The following DPP10 variants were observed in gnomAD, a reference collection of about 807,000 sequenced individuals.
The protein encoded by DPP10 is dipeptidyl peptidase like 10, also known as inactive dipeptidyl peptidase 10.
In DPP10, 33 loss-of-function variants were observed where a neutral mutation model predicts 120.9. The observed-to-expected ratio is 0.27, with a 90% confidence interval of 0.21 to 0.37. The LOEUF is 0.37. Ranked by LOEUF, DPP10 falls within the 10% of genes least tolerant of loss-of-function variation. DPP10 has a pLI of 1.00. For synonymous variants in DPP10, 337 were observed against 326.1 expected (o/e 1.03, Z -0.36); for missense variants, 816 against 942.8 (o/e 0.87, Z 1.76).
intron 1 of DPP10, among the ~76,000 whole-genome samples, chr2:115,005,880 A>C (rs577424289): frequency 1.4e-4 from 21 of 151,980 alleles, no homozygotes; most frequent in South Asian, 4.2e-4. Flanking sequence ...CACAAAGATA[A>C]TCCTCAAGAA....
rs149360615 is a variant in DPP10, at chr2:115,754,722, A to G, written c.1074+1425A>G. On this transcript the variant is annotated intron_variant, in intron 11 of 25. Transcript: ENST00000410059. ...CTATATATGTAGAAAAGTGGAAAAT[A>G]TAACCTACTCACCTTCCTCAAAAAT... Among the ~76,000 whole-genome samples the G allele has an allele frequency of 1.1e-3, 161 of 152,266 alleles. 1 individual carries two copies. The highest frequency in any genetic ancestry group is 2.8e-3 in the Admixed American group (43 of 15,280).
At chr2:114,779,208 T>C (rs1682045197) in intron 1 of DPP10, among the ~76,000 whole-genome samples, 1 of 152,124 alleles carries the variant, frequency 6.6e-6, no homozygotes. Context: ...CTCCTGGATG[T>C]GGATGTGGAC....
At chr2:114,669,591 T>C (rs938915794) in intron 1 of DPP10, among the ~76,000 whole-genome samples, 4 of 152,124 alleles carry the variant, frequency 2.6e-5, no homozygotes, top group Non-Finnish European at 5.9e-5. Context: ...ATGTAAATAA[T>C]TTTATAAAAT....
intron 1 of DPP10, among the ~76,000 whole-genome samples, chr2:114,756,792 TC>T (rs979700066): frequency 9.9e-5 from 15 of 152,138 alleles, no homozygotes; most frequent in Admixed American, 6.5e-4. Context: ...CTTTTTTTTT[TC>T]CTGTCTGAGT....
At chr2:114,536,627 G>A (rs983312804) in intron 1 of DPP10, among the ~76,000 whole-genome samples, 1 of 151,904 alleles carries the variant, frequency 6.6e-6, no homozygotes, top group African/African-American at 2.4e-5. Context: ...GGATGGTCTC[G>A]ATCTCCTGAC....
At chr2:114,597,572 AG>A (rs1432917450) in intron 1 of DPP10, among the ~76,000 whole-genome samples, 1 of 151,994 alleles carries the variant, frequency 6.6e-6, no homozygotes, top group Admixed American at 6.6e-5. Flanking sequence ...AAAATGGTAA[AG>A]ATCTTCCATC....
intron 1 of DPP10, among the ~76,000 whole-genome samples, chr2:114,728,550 T>C (rs911586828): frequency 1.3e-5 from 2 of 152,156 alleles, no homozygotes; most frequent in Non-Finnish European, 2.9e-5. Flanking sequence ...CTTGGACACA[T>C]AAATGACTCA....
At chr2:115,066,359 A>T (rs531044899) in intron 1 of DPP10, among the ~76,000 whole-genome samples, 2 of 144,108 alleles carry the variant, frequency 1.4e-5, no homozygotes, top group East Asian at 4.1e-4. Flanking sequence ...TATATTTCTT[A>T]TTTATACATC....
intron 1 of DPP10, among the ~76,000 whole-genome samples, chr2:114,813,987 C>CAT (rs57670221): frequency 4.1e-5 from 6 of 146,390 alleles, no homozygotes; most frequent in Non-Finnish European, 7.5e-5. Flanking sequence ...CACACACACA[C>CAT]CACGAGCTGG....
intron 1 of DPP10, among the ~76,000 whole-genome samples, chr2:114,765,700 G>A (rs1003161001): frequency 1.3e-5 from 2 of 151,958 alleles, no homozygotes; most frequent in African/African-American, 2.4e-5. Context: ...ATATAATATC[G>A]AACAATTTGG....
At chr2:114,683,852 C>T (rs1699193984) in intron 1 of DPP10, among the ~76,000 whole-genome samples, 1 of 151,854 alleles carries the variant, frequency 6.6e-6, no homozygotes, top group Non-Finnish European at 1.5e-5. Flanking sequence ...AGATTTAACC[C>T]CCTGTATCTT....
At chr2:115,183,996 A>T (rs2054258710) in intron 1 of DPP10, among the ~76,000 whole-genome samples, 2 of 152,168 alleles carry the variant, frequency 1.3e-5, no homozygotes, top group African/African-American at 4.8e-5. Context: ...CCAAACTAAC[A>T]GGCCAGAGTG....
At chr2:115,780,477 CT>C (rs1682617726) in intron 15 of DPP10, among the ~76,000 whole-genome samples, 2 of 151,692 alleles carry the variant, frequency 1.3e-5, no homozygotes, top group South Asian at 4.2e-4. Context: ...CATATTCCTT[CT>C]TTCAATTAGT....
At chr2:115,192,378 CT>C (rs2105235730) in intron 1 of DPP10, among the ~76,000 whole-genome samples, 1 of 152,308 alleles carries the variant, frequency 6.6e-6, no homozygotes, top group Non-Finnish European at 1.5e-5. Context: ...AAGGGGTAAT[CT>C]TTTACTAAGC....
At chr2:114,655,955 A>T (rs953094435) in intron 1 of DPP10, among the ~76,000 whole-genome samples, 1 of 152,150 alleles carries the variant, frequency 6.6e-6, no homozygotes, top group Admixed American at 6.5e-5. Flanking sequence ...CATGACTTCC[A>T]ATCAAATTTA....
Position 114,442,790 on chromosome 2 carries a change from T to G in DPP10, c.12T>G (p.Thr4=), listed in dbSNP as rs747615892. ...CAGGGTCCTGAAACATGAACCAAAC[T>G]GCCAGCGTGTCCCATCACATCAAGT... MNQ[T]ASVSHHIKCQ... Residue 4 remains threonine (T), a synonymous_variant, in exon 1 of 26, where the codon ACT becomes ACG. Coordinates refer to ENST00000410059, the MANE Select transcript of DPP10 (RefSeq NM_020868.6). 1.9e-6 allele frequency: 3 copies of G among 1,613,410 alleles called. No individual in the cohort carries two copies. In the East Asian group the frequency reaches 6.7e-5, roughly 36 times the overall value.
chr2:114,534,528 G>T (rs1009588027), intron 1 of DPP10, among the ~76,000 whole-genome samples: 2 of 152,114 alleles, frequency 1.3e-5, no homozygotes, highest in Admixed American at 6.6e-5. Context: ...AGATTTCCCA[G>T]AAAACCCTCC....
rs564374260 is a variant in DPP10, at chr2:115,685,592, G to A, written c.442-4095G>A. On this transcript the variant is annotated intron_variant, in intron 5 of 25. Transcript: ENST00000410059. ...ATAGTTACATAATTAGTATTCAATAGTCATTTATAAACTGACAACATATAA... is the reference window on the plus strand; with the variant it reads ...ATAGTTACATAATTAGTATTCAATAATCATTTATAAACTGACAACATATAA... Among the ~76,000 whole-genome samples, 3 of 152,054 alleles carry A rather than the reference G, an allele frequency of 2.0e-5. No homozygotes were observed. The East Asian group carries it at 5.8e-4, about 29-fold the overall frequency.
intron 1 of DPP10, among the ~76,000 whole-genome samples, chr2:115,009,206 T>G (rs1251074654): frequency 2.7e-5 from 4 of 148,522 alleles, no homozygotes; most frequent in Admixed American, 6.8e-5. Context: ...TAGACTGGAT[T>G]AAGAAAATGT....
Sources: gnomAD v4.1 joint callset for allele counts (sites outside exome capture counted in the v4.1 genomes callset) on GRCh38, gnomAD v4.1.1 for gene constraint, MANE v1.5 for transcripts, NCBI Gene and HGNC (gene_info 2026-07-23, HGNC 2026-07-21) for gene names.